TBX18: variants seen among roughly 807,000 people sequenced by gnomAD.
TBX18 encodes the protein T-box transcription factor TBX18.
Under a neutral mutation model 55.0 loss-of-function variants are expected in TBX18, and 21 were observed. The ratio of observed to expected loss-of-function variants is 0.38; its 90% CI spans 0.27 to 0.55. The LOEUF is 0.55. Among genes scored for constraint, TBX18 ranks in the 20% least tolerant of loss-of-function variants. The probability of loss-of-function intolerance (pLI) is 0.73; values close to 1 mark genes in which losing one functional copy is unlikely to be tolerated. For synonymous variants in TBX18, 342 were observed against 326.1 expected, an observed-to-expected ratio of 1.05 and a Z score of -0.53; for missense variants, 840 against 799.6, an observed-to-expected ratio of 1.05 and a Z score of -0.61.
intron 3 of TBX18, among the ~76,000 whole-genome samples, chr6:84,758,638 A>T (rs9444229): frequency 1.4e-3 from 211 of 152,192 alleles, no homozygotes; most frequent in African/African-American, 5.0e-3. Context: ...TTAGAGATTC[A>T]AGAAAAATTA....
intron 7 of TBX18, 113 bp downstream of exon 7, chr6:84,738,384 G>T: frequency 1.2e-6 from 1 of 850,840 alleles, no homozygotes. Flanking sequence ...GTAGGACAAT[G>T]CTGGTGATGA....
At chr6:84,753,014 T>C (rs778192564) in intron 4 of TBX18, among the ~76,000 whole-genome samples, 2 of 152,160 alleles carry the variant, frequency 1.3e-5, no homozygotes, top group Non-Finnish European at 2.9e-5. Context: ...TGGGAAGGAA[T>C]TACCCTACTC....
chr6:84,741,109 G>T (rs1181037505), intron 6 of TBX18: 1 of 152,188 alleles, frequency 6.6e-6, no homozygotes, highest in African/African-American at 2.4e-5. Flanking sequence ...AAGGATTTTA[G>T]ATATTTTGCA....
rs963113394 is a variant in TBX18, at chr6:84,736,699, C to T, written c.1810G>A (p.Ala604Thr). Residue 604 changes from alanine to threonine, a missense_variant, in exon 8 of 8, where the codon GCA (alanine) becomes ACA (threonine). Transcript: ENST00000369663. Reference sequence around the variant, plus strand: ...TAAAGGCTTCATCAGACCATATGTGCAGATACTTGAGATGATGACAGAGTT... The same window carrying T: ...TAAAGGCTTCATCAGACCATATGTGTAGATACTTGAGATGATGACAGAGTT... ...SLTLSSSQVS[A>T]HMV The T allele has an allele frequency of 5.1e-6, 8 of 1,569,512 alleles. No homozygotes were observed. The highest frequency in any genetic ancestry group is 2.0e-5 in the Admixed American group (1 of 51,222).
intron 4 of TBX18, among the ~76,000 whole-genome samples, chr6:84,751,544 T>G (rs1053623827): frequency 6.6e-6 from 1 of 152,226 alleles, no homozygotes; most frequent in Non-Finnish European, 1.5e-5. Context: ...GTTCCTCTTT[T>G]TATGATAGCA....
Position 84,734,417 on chromosome 6 carries a change from A to G in TBX18, c.*2268T>C, listed in dbSNP as rs1773885178. The G allele has an allele frequency of 6.6e-6, 1 of 152,282 alleles. No individual in the cohort carries two copies. Among genetic ancestry groups the G allele is most frequent in the Non-Finnish European group, 1.5e-5 (1 of 68,036 alleles). 9.4% of individuals were successfully genotyped at this position (152,282 alleles called of 1,614,324 possible). On this transcript the variant is annotated 3_prime_UTR_variant, in exon 8 of 8. Coordinates refer to ENST00000369663, the MANE Select transcript of TBX18 (RefSeq NM_001080508.3). ...TGGATCAATATTTTTAGACATTAAA[A>G]TGATTACCCTCCAAAATCATAAAAG...
intron 1 of TBX18, 46 bp from the exon 2 acceptor site, chr6:84,762,794 G>A (rs1767691459): frequency 6.5e-7 from 1 of 1,548,000 alleles, no homozygotes; most frequent in African/African-American, 1.4e-5. Flanking sequence ...GGGAAACAGA[G>A]GGGAAGCCAG....
chr6:84,747,741 T>G lies in TBX18; in HGVS notation c.939+179A>C, dbSNP rs573438064. The stretch of plus-strand genomic sequence containing the variant: ...ATGGTTTGTCTAAAGAAATCAACAT[T>G]AGAGCAGACTTACTTGGAAAATCAT... On this transcript the variant is annotated intron_variant, in intron 5 of 7. Coordinates refer to ENST00000369663, the MANE Select transcript of TBX18 (RefSeq NM_001080508.3). Among the ~76,000 whole-genome samples the G allele has an allele frequency of 2.7e-3, 407 of 152,324 alleles. 1 individual carries two copies. The highest frequency in any genetic ancestry group is 3.6e-3 in the Non-Finnish European group (244 of 68,030).
At chr6:84,762,993 G>A (rs1289753883) in intron 1 of TBX18, 2 of 576,636 alleles carry the variant, frequency 3.5e-6, no homozygotes, top group Non-Finnish European at 6.1e-6. Flanking sequence ...CCCGGGAGAG[G>A]CGCGCGGGCA....
At chr6:84,751,575 CAT>C (rs1396651006) in intron 4 of TBX18, among the ~76,000 whole-genome samples, 1 of 152,164 alleles carries the variant, frequency 6.6e-6, no homozygotes, top group African/African-American at 2.4e-5. Context: ...TTTAATGTCT[CAT>C]GTGGTCATGG....
In TBX18 at chr6:84,736,749, A is replaced by G. The variant is rs900431319; in HGVS notation, c.1760T>C (p.Phe587Ser). The G allele has an allele frequency of 6.2e-7, 1 of 1,611,784 alleles. No homozygotes were observed. Among genetic ancestry groups the G allele is most frequent in the African/African-American group, 1.3e-5 (1 of 74,828 alleles). The change falls in exon 8 of 8, where the codon TTT becomes TCT. Residue 587 changes from phenylalanine to serine, a missense_variant. Physicochemically the swap from Phe to Ser is radical, Grantham distance 155 (BLOSUM62 -2). Coordinates refer to ENST00000369663, the MANE Select transcript of TBX18 (RefSeq NM_001080508.3). ...TAAGCTTCCTAGGGTCCTAGAGTCA[A>G]AGAAACTCTGCTGACCCCCACTGCT... ...LLSSGGQQSF[F>S]DSRTLGSLTL...
chr6:84,742,708 G>C (rs768984844), intron 6 of TBX18, among the ~76,000 whole-genome samples: 1 of 151,964 alleles, frequency 6.6e-6, no homozygotes, highest in Admixed American at 6.6e-5. Flanking sequence ...TCAAGCCTGA[G>C]TATTTCTCTC....
intron 4 of TBX18, among the ~76,000 whole-genome samples, chr6:84,748,422 C>T (rs1767254705): frequency 6.6e-6 from 1 of 152,080 alleles, no homozygotes; most frequent in Admixed American, 6.5e-5. Flanking sequence ...GAGTCCAAAC[C>T]AATAAAATTA....
In TBX18 at chr6:84,736,883, G is replaced by A. The variant is rs1342164502; in HGVS notation, c.1626C>T (p.Ala542=). The change falls in exon 8 of 8, where the codon GCC becomes GCT. Residue 542 remains alanine, a synonymous_variant. Transcript: ENST00000369663. ...GGGAAGAAACAATTTTCTCAGGACT[G>A]GCAGCCAGTTTGGGGGATGTGGAGA... The part of the protein sequence containing the change: ...YNFSTSPKLA[A]SPEKIVSSQG... 4 of 1,613,332 alleles carry A rather than the reference G, an allele frequency of 2.5e-6. No homozygotes were observed. The African/African-American group carries it at 5.3e-5, about 22-fold the overall frequency.
chr6:84,761,502 G>A (rs1399188409), intron 2 of TBX18, among the ~76,000 whole-genome samples: 1 of 152,100 alleles, frequency 6.6e-6, no homozygotes, highest in East Asian at 1.9e-4. Flanking sequence ...ATTAATAAAA[G>A]CTCTGTGAAA....
At chr6:84,738,468 T>A (rs200184853) in intron 7 of TBX18, 29 bp downstream of exon 7, 2 of 1,573,788 alleles carry the variant, frequency 1.3e-6, no homozygotes, top group South Asian at 2.2e-5. Context: ...ACGGGCTGTA[T>A]ATATGACCCA....
chr6:84,758,857 A>G (rs906432085), intron 3 of TBX18, among the ~76,000 whole-genome samples: 4 of 152,200 alleles, frequency 2.6e-5, no homozygotes, highest in Admixed American at 2.0e-4. Context: ...AAAACAAATT[A>G]TGTTTTACAA....
In TBX18 at chr6:84,761,817, C is replaced by G. The variant is rs1033066567; in HGVS notation, c.497+727G>C. Among the ~76,000 whole-genome samples, 3 of 152,132 alleles carry G rather than the reference C, an allele frequency of 2.0e-5. No individual in the cohort carries two copies. The East Asian group carries it at 5.8e-4, about 29-fold the overall frequency. On this transcript the variant is annotated intron_variant, in intron 2 of 7. Coordinates refer to ENST00000369663, the MANE Select transcript of TBX18 (RefSeq NM_001080508.3). ...CACACTTTTTAAAAAACCGATGTAC[C>G]TTTTTATAAAAAATTTTTAAGTATT...
chr6:84,752,712 C>T (rs952028935), intron 4 of TBX18, among the ~76,000 whole-genome samples: 1 of 152,160 alleles, frequency 6.6e-6, no homozygotes, highest in South Asian at 2.1e-4. Context: ...TCAGCAACCT[C>T]CCCTATAACT....
Sources: allele counts gnomAD v4.1 joint callset (sites outside exome capture counted in the v4.1 genomes callset), GRCh38; gene constraint gnomAD v4.1.1; transcripts MANE v1.5; gene names NCBI Gene and HGNC (gene_info 2026-07-23, HGNC 2026-07-21).